The following CALN1 variants were observed in gnomAD, a reference collection of about 807,000 sequenced individuals.
CALN1 encodes calcium-binding protein 8.
A neutral mutation model predicts 30.6 loss-of-function variants in CALN1; 17 were observed. The ratio of observed to expected loss-of-function variants is 0.56; its 90% CI spans 0.38 to 0.83. The LOEUF is 0.83. Ranked by LOEUF, CALN1 falls within the 40% of genes least tolerant of loss-of-function variation. CALN1 has a pLI of 0.00. For synonymous variants in CALN1, 156 were observed against 131.4 expected, an observed-to-expected ratio of 1.19 and a Z score of -1.28; for missense variants, 291 against 354.9, an observed-to-expected ratio of 0.82 and a Z score of 1.45.
intron 2 of CALN1, among the ~76,000 whole-genome samples, chr7:72,316,977 G>C (rs1303886434): frequency 7.8e-6 from 1 of 128,944 alleles, no homozygotes; most frequent in Admixed American, 8.5e-5. Context: ...CGAAAGGAAA[G>C]GAAAGGAAAA....
At chr7:71,973,734 C>T (rs1278040928) in intron 5 of CALN1, among the ~76,000 whole-genome samples, 1 of 152,120 alleles carries the variant, frequency 6.6e-6, no homozygotes, top group East Asian at 1.9e-4. Context: ...AAGTCTTCAT[C>T]TCCATTATCA....
chr7:71,890,098 G>C (rs370832727), intron 5 of CALN1, among the ~76,000 whole-genome samples: 78 of 152,240 alleles, frequency 5.1e-4, no homozygotes, highest in African/African-American at 1.8e-3. Flanking sequence ...AATGAGAACA[G>C]AGCTTTTATT....
chr7:72,449,554 G>A (rs1808614394), upstream of CALN1, among the ~76,000 whole-genome samples: 1 of 151,998 alleles, frequency 6.6e-6, no homozygotes, highest in South Asian at 2.1e-4. Flanking sequence ...CACCCCCACT[G>A]GCCGGAAAAT....
At chr7:72,363,341 C>A (rs1348367605) in intron 2 of CALN1, among the ~76,000 whole-genome samples, 1 of 151,898 alleles carries the variant, frequency 6.6e-6, no homozygotes, top group South Asian at 2.1e-4. Context: ...TGGGTTCAAT[C>A]GATTCTCCGG....
intron 3 of CALN1, among the ~76,000 whole-genome samples, chr7:72,180,579 A>T (rs1489845963): frequency 5.4e-4 from 39 of 72,694 alleles, no homozygotes; most frequent in African/African-American, 7.2e-4. Context: ...TACTTGGGCT[A>T]TTTGAAATAC....
At chr7:72,268,552 T>A (rs1796744437) in intron 3 of CALN1, among the ~76,000 whole-genome samples, 1 of 152,092 alleles carries the variant, frequency 6.6e-6, no homozygotes, top group Non-Finnish European at 1.5e-5. Context: ...ATGCCTATAA[T>A]CCCAACACTT....
intron 2 of CALN1, among the ~76,000 whole-genome samples, chr7:72,377,436 C>CGTGTGTGTGTGT (rs138060244): frequency 0.011 from 1,625 of 142,384 alleles, 30 homozygotes; most frequent in African/African-American, 0.029. Flanking sequence ...GCCACACTTT[C>CGTGTGTGTGTGT]GTGTGTGTGT....
chr7:71,810,808 G>C (rs1262246483), intron 5 of CALN1, among the ~76,000 whole-genome samples: 1 of 151,920 alleles, frequency 6.6e-6, no homozygotes, highest in Non-Finnish European at 1.5e-5. Flanking sequence ...CTTTAGAATG[G>C]TGAAACCCTT....
intron 2 of CALN1, among the ~76,000 whole-genome samples, chr7:72,347,403 A>G (rs1230095774): frequency 6.6e-6 from 1 of 151,888 alleles, no homozygotes; most frequent in Non-Finnish European, 1.5e-5. Context: ...AGTAGCTGGG[A>G]TTACAGGCAT....
chr7:71,968,735 CA>C (rs1195377920), intron 5 of CALN1, among the ~76,000 whole-genome samples: 1 of 149,248 alleles, frequency 6.7e-6, no homozygotes, highest in Non-Finnish European at 1.5e-5. Context: ...TAGATGAGTG[CA>C]TAAGTTTTAT....
chr7:72,089,312 T>C (rs1282445922), intron 4 of CALN1, among the ~76,000 whole-genome samples: 1 of 152,094 alleles, frequency 6.6e-6, no homozygotes, highest in Admixed American at 6.6e-5. Context: ...GTAAGATATC[T>C]ACCTTCCACA....
intron 3 of CALN1, among the ~76,000 whole-genome samples, chr7:72,192,104 C>T (rs1240343347): frequency 6.6e-6 from 1 of 152,150 alleles, no homozygotes; most frequent in Non-Finnish European, 1.5e-5. Context: ...CTTCTCTTTC[C>T]TCTGACCTCT....
chr7:71,837,243 C>CAAAAAAAA (rs55977265), intron 5 of CALN1, among the ~76,000 whole-genome samples: 41 of 79,120 alleles, frequency 5.2e-4, no homozygotes, highest in South Asian at 7.5e-4. Context: ...AAAAAAAAGA[C>CAAAAAAAA]AAAAAAAAAA....
At chr7:71,925,806 G>GA (rs1164691335) in intron 5 of CALN1, among the ~76,000 whole-genome samples, 1 of 152,118 alleles carries the variant, frequency 6.6e-6, no homozygotes, top group South Asian at 2.1e-4. Context: ...CCAAACTGGA[G>GA]AAAGAGGCAT....
At chr7:72,393,635 C>G (rs772851675) in intron 2 of CALN1, among the ~76,000 whole-genome samples, 11 of 152,188 alleles carry the variant, frequency 7.2e-5, no homozygotes, top group Admixed American at 2.0e-4. Context: ...CTGGGCCCCC[C>G]CCAGGCAAAT....
chr7:72,115,100 ATATAG>A (rs1312458437), intron 3 of CALN1, among the ~76,000 whole-genome samples: 2 of 147,940 alleles, frequency 1.4e-5, no homozygotes, highest in East Asian at 1.9e-4. Context: ...TATACTATAT[ATATAG>A]TATAATATAT....
At chr7:72,413,646 T>C (rs1329466863), upstream of CALN1, among the ~76,000 whole-genome samples, 1 of 151,712 alleles carries the variant, frequency 6.6e-6, no homozygotes, top group Non-Finnish European at 1.5e-5. Context: ...CATACGCATA[T>C]AAACTCACAG....
At chr7:72,149,843 G>A (rs114032417) in intron 3 of CALN1, among the ~76,000 whole-genome samples, 4,030 of 152,054 alleles carry the variant, frequency 0.027, 186 homozygotes, top group African/African-American at 0.091. Context: ...GCCAGGCACC[G>A]TGGCTCATGC....
intron 4 of CALN1, among the ~76,000 whole-genome samples, chr7:72,071,718 A>C (rs1453390592): frequency 6.6e-6 from 1 of 152,248 alleles, no homozygotes; most frequent in East Asian, 1.9e-4. Flanking sequence ...ACAAAACGTC[A>C]CAAGACATAC....
Sources: allele counts gnomAD v4.1 joint callset (sites outside exome capture counted in the v4.1 genomes callset), GRCh38; gene constraint gnomAD v4.1.1; transcripts MANE v1.5; gene names NCBI Gene and HGNC (gene_info 2026-07-23, HGNC 2026-07-21).